CYTH4: variants seen among roughly 807,000 people sequenced by gnomAD.
The protein encoded by CYTH4 is cytohesin-4.
Under a neutral mutation model 57.5 loss-of-function variants are expected in CYTH4, and 22 were observed. The observed-to-expected ratio is 0.38, with a 90% CI of 0.27 to 0.55. CYTH4 has a LOEUF of 0.55. CYTH4 is among the 20% of genes least tolerant of loss of function. The pLI, the probability that CYTH4 is intolerant of heterozygous loss-of-function variation, is 0.74. For missense variants in CYTH4, 420 were observed against 535.6 expected (o/e 0.78, Z 2.13); for synonymous variants, 186 against 206.5 (o/e 0.90, Z 0.85).
At chr22:37,291,139 A>G (rs1928733761) in intron 1 of CYTH4, among the ~76,000 whole-genome samples, 1 of 152,212 alleles carries the variant, frequency 6.6e-6, no homozygotes. Flanking sequence ...GGTATATCTC[A>G]GATTTAGCTG....
At chr22:37,285,922 AC>A (rs1272261519) in intron 1 of CYTH4, among the ~76,000 whole-genome samples, 2 of 152,008 alleles carry the variant, frequency 1.3e-5, no homozygotes, top group Non-Finnish European at 2.9e-5. Flanking sequence ...TCGGGACAGG[AC>A]CCCCGTCAGA....
Position 37,310,379 on chromosome 22 carries a change from T to C in CYTH4, c.809-609T>C, listed in dbSNP as rs1929595729. On this transcript the variant is annotated intron_variant, in intron 9 of 12. Transcript: ENST00000248901. ...TCAGGTTCTTCAGCCTCAGTTTCTGTAGCTGTAAGATGGGGAGAATGATCT... is the reference window on the plus strand; with the variant it reads ...TCAGGTTCTTCAGCCTCAGTTTCTGCAGCTGTAAGATGGGGAGAATGATCT... Among the ~76,000 whole-genome samples the C allele has an allele frequency of 2.6e-5, 4 of 152,142 alleles. No homozygotes were observed. In the South Asian group the frequency reaches 8.3e-4, roughly 32 times the overall value.
At chr22:37,287,298 C>T (rs2145854004) in intron 1 of CYTH4, among the ~76,000 whole-genome samples, 1 of 152,128 alleles carries the variant, frequency 6.6e-6, no homozygotes, top group South Asian at 2.1e-4. Flanking sequence ...TCAGGAGCCC[C>T]ATCACTCAAT....
chr22:37,303,492 G>A, intron 8 of CYTH4, 90 bp downstream of exon 8: 1 of 1,471,702 alleles, frequency 6.8e-7, no homozygotes, highest in Non-Finnish European at 9.0e-7. Context: ...GCTCCTCTGA[G>A]ATAGACAGCC....
intron 1 of CYTH4, among the ~76,000 whole-genome samples, chr22:37,289,732 T>C (rs1434368377): frequency 6.6e-6 from 1 of 152,244 alleles, no homozygotes; most frequent in Non-Finnish European, 1.5e-5. Flanking sequence ...TGGAGCCATC[T>C]GAGCTACTTA....
intron 1 of CYTH4, among the ~76,000 whole-genome samples, chr22:37,288,662 T>C (rs934295191): frequency 2.0e-5 from 3 of 151,718 alleles, no homozygotes; most frequent in African/African-American, 7.3e-5. Flanking sequence ...ACCCCTCAGC[T>C]CGTAGACCCT....
rs1290734587 is a variant in CYTH4 at position 37,308,630 on chromosome 22, CTG to C, written c.697-577_697-576del. Among the ~76,000 whole-genome samples, 7 of 149,778 alleles carry C rather than the reference CTG, an allele frequency of 4.7e-5. No individual in the cohort carries two copies. In the East Asian group the frequency reaches 7.9e-4, roughly 17 times the overall value. ...TGTATGTGTGCATAAGCATGCATGTCTGTGTGAGTATGCATGTATGTGTGCAT... is the reference window on the plus strand; with the variant it reads ...TGTATGTGTGCATAAGCATGCATGTCTGTGAGTATGCATGTATGTGTGCAT... On this transcript the variant is annotated intron_variant, in intron 8 of 12. Transcript: ENST00000248901.
chr22:37,306,678 G>T (rs1183489044), intron 8 of CYTH4, among the ~76,000 whole-genome samples: 1 of 152,218 alleles, frequency 6.6e-6, no homozygotes, highest in Non-Finnish European at 1.5e-5. Context: ...TTCAGGTTCA[G>T]CTAGATCCAG....
intron 12 of CYTH4, among the ~76,000 whole-genome samples, chr22:37,312,868 A>G (rs1329357445): frequency 6.6e-6 from 1 of 152,388 alleles, no homozygotes; most frequent in East Asian, 1.9e-4. Flanking sequence ...AGCCAGCCCA[A>G]GATATTGGCA....
chr22:37,295,020 A>G lies in CYTH4; in HGVS notation c.167+296A>G, dbSNP rs1264808569. On this transcript the variant is annotated intron_variant, in intron 3 of 12. Transcript: ENST00000248901. The surrounding 1 kb of genome is among the most constrained non-coding windows in gnomAD (Gnocchi z 4.1). ...CCCTGACCGATCACTGGCCACATCC[A>G]CCCTGGGATGGGCGGGGAGAAGGGA... Among the ~76,000 whole-genome samples the G allele has an allele frequency of 6.6e-6, 1 of 151,884 alleles. No homozygotes were observed. The highest frequency in any genetic ancestry group is 1.5e-5 in the Non-Finnish European group (1 of 67,960).
intron 7 of CYTH4, among the ~76,000 whole-genome samples, chr22:37,302,955 G>A (rs1368388811): frequency 9.2e-6 from 1 of 108,154 alleles, no homozygotes; most frequent in Non-Finnish European, 2.2e-5. Context: ...CCGTGGCTGA[G>A]CGAGAAGGAG....
At chr22:37,293,269 T>C (rs1273542633) in intron 2 of CYTH4, among the ~76,000 whole-genome samples, 1 of 152,146 alleles carries the variant, frequency 6.6e-6, no homozygotes, top group East Asian at 1.9e-4. Flanking sequence ...AGGATTTCAG[T>C]GAGGAAATGA....
chr22:37,296,535 G>T (rs1415847020), intron 4 of CYTH4: 1 of 156,776 alleles, frequency 6.4e-6, no homozygotes. Context: ...CAAGCCCCTG[G>T]CCTCACCCCA....
chr22:37,313,015 TTA>T (rs1393386626), intron 12 of CYTH4, among the ~76,000 whole-genome samples: 1 of 152,158 alleles, frequency 6.6e-6, no homozygotes, highest in African/African-American at 2.4e-5. Flanking sequence ...CACCTCCATC[TTA>T]CACATGAGGA....
intron 1 of CYTH4, among the ~76,000 whole-genome samples, chr22:37,285,548 A>C (rs1928525207): frequency 6.6e-6 from 1 of 152,018 alleles, no homozygotes; most frequent in Non-Finnish European, 1.5e-5. Flanking sequence ...CTCTACTAAA[A>C]ATACAAAAAA....
Position 37,314,074 on chromosome 22 carries a change from C to A in CYTH4, c.*563C>A. ...GGACCCCGGGACAGAACCCCGGGAG[C>A]ACTGCCCTAGGAGCCCGGACCCCAC... On this transcript the variant is annotated 3_prime_UTR_variant, in exon 13 of 13. Coordinates refer to ENST00000248901, the MANE Select transcript of CYTH4 (RefSeq NM_013385.5). 1 of 331,350 alleles carries A rather than the reference C, an allele frequency of 3.0e-6. No homozygotes were observed. The highest frequency in any genetic ancestry group is 5.5e-6 in the Non-Finnish European group (1 of 183,330). The allele number at this position is 331,350 out of a possible 1,614,324, so 20.5% of individuals were successfully genotyped here.
intron 12 of CYTH4, among the ~76,000 whole-genome samples, chr22:37,313,022 T>C (rs1360810109): frequency 6.6e-6 from 1 of 152,156 alleles, no homozygotes; most frequent in African/African-American, 2.4e-5. Flanking sequence ...ATCTTACACA[T>C]GAGGAAACTG....
chr22:37,312,548 G>A (rs974484487), intron 12 of CYTH4, among the ~76,000 whole-genome samples: 4 of 152,212 alleles, frequency 2.6e-5, no homozygotes, highest in African/African-American at 9.6e-5. Flanking sequence ...TAAACTTCCA[G>A]GTAAAAGGAC....
chr22:37,287,239 G>A (rs4566465), intron 1 of CYTH4, among the ~76,000 whole-genome samples: 4 of 151,698 alleles, frequency 2.6e-5, no homozygotes. Context: ...TGGGAGCCAG[G>A]AGCTGATGAA....
Sources: gnomAD v4.1 joint callset for allele counts (sites outside exome capture counted in the v4.1 genomes callset) on GRCh38, gnomAD v4.1.1 for gene constraint, Gnocchi (gnomAD v3.1) non-coding constraint, MANE v1.5 for transcripts, NCBI Gene and HGNC (gene_info 2026-07-23, HGNC 2026-07-21) for gene names.